Variants in RIMS1 observed in about 807,000 individuals in gnomAD.
The protein encoded by RIMS1 is regulating synaptic membrane exocytosis protein 1.
RIMS1 carries 83 observed loss-of-function variants against 214.1 expected under a neutral mutation model. That is an observed-to-expected ratio of 0.39 (90% CI 0.32 to 0.47). The LOEUF (loss-of-function observed/expected upper bound fraction) is 0.47. Among genes scored for constraint, RIMS1 ranks in the 20% least tolerant of loss-of-function variants. RIMS1 has a pLI of 0.99. For synonymous variants in RIMS1, 793 were observed against 786.8 expected (o/e 1.01, Z -0.13); for missense variants, 2,050 against 2,161.8 (o/e 0.95, Z 1.03).
intron 4 of RIMS1, among the ~76,000 whole-genome samples, chr6:72,124,098 C>T (rs186257519): frequency 6.6e-6 from 1 of 152,016 alleles, no homozygotes; most frequent in East Asian, 1.9e-4. Context: ...CATGTTTTTG[C>T]AGTGGCTGGT....
chr6:72,390,407 T>C (rs1384448088), intron 29 of RIMS1, among the ~76,000 whole-genome samples, 191 bp from the exon 30 acceptor site: 1 of 152,192 alleles, frequency 6.6e-6, no homozygotes, highest in African/African-American at 2.4e-5. Flanking sequence ...TAGCATCCAG[T>C]GGTACTCCCC....
chr6:71,912,347 C>T (rs1347328666), intron 1 of RIMS1, among the ~76,000 whole-genome samples: 1 of 152,084 alleles, frequency 6.6e-6, no homozygotes, highest in East Asian at 1.9e-4. Context: ...TCTCACCATT[C>T]CTCCCTTCCC....
intron 1 of RIMS1, among the ~76,000 whole-genome samples, chr6:71,897,492 A>G (rs1772174114): frequency 6.6e-6 from 1 of 152,136 alleles, no homozygotes; most frequent in Non-Finnish European, 1.5e-5. Flanking sequence ...GGTAATTGCT[A>G]TTTCACAACA....
At chr6:72,178,229 C>T (rs968773612) in intron 4 of RIMS1, among the ~76,000 whole-genome samples, 1 of 151,948 alleles carries the variant, frequency 6.6e-6, no homozygotes, top group Admixed American at 6.6e-5. Context: ...GTTTTCTTTC[C>T]TGGAAAGCAG....
chr6:72,333,046 TTTG>T (rs1316419452), intron 28 of RIMS1, among the ~76,000 whole-genome samples: 6 of 151,742 alleles, frequency 4.0e-5, no homozygotes, highest in East Asian at 1.9e-4. Flanking sequence ...CCAAAAGCAT[TTTG>T]TTGTTGTTGT....
chr6:72,046,340 G>A (rs530424656), intron 2 of RIMS1, among the ~76,000 whole-genome samples: 1 of 152,106 alleles, frequency 6.6e-6, no homozygotes, highest in African/African-American at 2.4e-5. Flanking sequence ...TATTGTTGGG[G>A]GAAGGTGTTG....
intron 4 of RIMS1, among the ~76,000 whole-genome samples, chr6:72,120,257 T>C (rs1044636719): frequency 6.6e-6 from 1 of 151,922 alleles, no homozygotes; most frequent in African/African-American, 2.4e-5. Context: ...TGAACTAGTT[T>C]ACAGTCCCAC....
At chr6:71,887,637 G>C (rs1231936139) in intron 1 of RIMS1, among the ~76,000 whole-genome samples, 1 of 152,018 alleles carries the variant, frequency 6.6e-6, no homozygotes, top group Non-Finnish European at 1.5e-5. Context: ...TAGCTGGTCG[G>C]GGTTACCCCA....
At chr6:72,009,182 G>A (rs939787581) in intron 2 of RIMS1, among the ~76,000 whole-genome samples, 2 of 152,108 alleles carry the variant, frequency 1.3e-5, no homozygotes, top group East Asian at 1.9e-4. Context: ...ACTCAAAACA[G>A]CTCAACTACA....
chr6:72,231,960 A>T (rs1432811023), intron 6 of RIMS1, among the ~76,000 whole-genome samples: 1 of 151,690 alleles, frequency 6.6e-6, no homozygotes, highest in Non-Finnish European at 1.5e-5. Context: ...GAACCAGAGA[A>T]GAATCCTGAG....
At chr6:72,090,184 T>G (rs1285729256) in intron 2 of RIMS1, among the ~76,000 whole-genome samples, 1 of 152,096 alleles carries the variant, frequency 6.6e-6, no homozygotes, top group South Asian at 2.1e-4. Flanking sequence ...AAAAAATTTT[T>G]TTTATAGAGA....
At chr6:71,906,084 C>T (rs1775167703) in intron 1 of RIMS1, among the ~76,000 whole-genome samples, 3 of 152,102 alleles carry the variant, frequency 2.0e-5, no homozygotes, top group African/African-American at 7.2e-5. Flanking sequence ...TTCTAACTTT[C>T]AGTCTGGCCT....
intron 1 of RIMS1, among the ~76,000 whole-genome samples, chr6:71,912,126 A>G (rs760848360): frequency 6.6e-6 from 1 of 152,204 alleles, no homozygotes; most frequent in Admixed American, 6.6e-5. Flanking sequence ...AATTAGGTAT[A>G]GAAGAAAACT....
Position 72,277,536 on chromosome 6 carries a change from C to G in RIMS1, c.3482+3104C>G, listed in dbSNP as rs577531095. On this transcript the variant is annotated intron_variant, in intron 23 of 33. Transcript: ENST00000521978. ...GGCGGAGCTTGCAGTGAGCCGACAT[C>G]GCGCCACTGCACTCCAGCCTAGGCG... is the stretch of plus-strand genomic sequence containing the variant. 1.9e-4 allele frequency among the ~76,000 whole-genome samples: 28 copies of G among 151,154 alleles called. No homozygotes were observed. In the South Asian group the frequency reaches 4.8e-3, roughly 26 times the overall value.
chr6:72,262,513 TTTCTC>T, intron 19 of RIMS1: 3 of 985,294 alleles, frequency 3.0e-6, no homozygotes, highest in Non-Finnish European at 3.6e-6. Context: ...ACCAGTGTCT[TTTCTC>T]CTTCCTGTCT....
rs140574849 is a variant in RIMS1 at position 71,963,658 on chromosome 6, T to G, written c.165-5325T>G. ...GTCATATTCTGTGAAATACTCTTTT[T>G]CTTGTGCAGAAAGAGAGTGAACGTT... On this transcript the variant is annotated intron_variant, in intron 1 of 33. Coordinates refer to ENST00000521978, the MANE Select transcript of RIMS1 (RefSeq NM_014989.7). 3.9e-4 allele frequency among the ~76,000 whole-genome samples: 59 copies of G among 152,326 alleles called. No homozygotes were observed. The East Asian group carries it at 0.011, about 28-fold the overall frequency.
chr6:72,339,883 T>A (rs1334079837), intron 29 of RIMS1, among the ~76,000 whole-genome samples: 1 of 151,954 alleles, frequency 6.6e-6, no homozygotes, highest in Non-Finnish European at 1.5e-5. Flanking sequence ...ATGGTTGAAC[T>A]AGTTTACAGT....
At chr6:72,012,637 A>T (rs1811185752) in intron 2 of RIMS1, among the ~76,000 whole-genome samples, 1 of 152,132 alleles carries the variant, frequency 6.6e-6, no homozygotes, top group East Asian at 1.9e-4. Context: ...ACCTAAGAGG[A>T]CCTGAGAATG....
intron 29 of RIMS1, among the ~76,000 whole-genome samples, chr6:72,368,244 T>C (rs1184913282): frequency 6.6e-6 from 1 of 151,566 alleles, no homozygotes; most frequent in Non-Finnish European, 1.5e-5. Flanking sequence ...TTCCCCCTTA[T>C]GTTATAAACT....
Sources: gnomAD v4.1 joint callset for allele counts (sites outside exome capture counted in the v4.1 genomes callset) on GRCh38, gnomAD v4.1.1 for gene constraint, MANE v1.5 for transcripts, NCBI Gene and HGNC (gene_info 2026-07-23, HGNC 2026-07-21) for gene names.